The following TBC1D31 variants were observed in gnomAD, a reference collection of about 807,000 sequenced individuals.
TBC1D31 encodes TBC1 domain family member 31.
In TBC1D31, 99 loss-of-function variants were observed where a neutral mutation model predicts 132.9. The observed-to-expected ratio is 0.74, with a 90% CI of 0.63 to 0.88. The LOEUF is 0.88. TBC1D31 is among the 40% of genes least tolerant of loss of function. The pLI, the probability that TBC1D31 is intolerant of heterozygous loss-of-function variation, is 0.00. For synonymous variants in TBC1D31, 385 were observed against 419.4 expected, an observed-to-expected ratio of 0.92 and a Z score of 1.00; for missense variants, 1,134 against 1,256.6, an observed-to-expected ratio of 0.90 and a Z score of 1.48.
At chr8:123,158,018 CTTTTTT>C in the TBC1D31 span, among the ~76,000 whole-genome samples, 27 of 117,676 alleles carry the variant, frequency 2.3e-4, no homozygotes, top group South Asian at 2.4e-3. Context: ...TTTTTTCTTC[CTTTTTT>C]TTTTTTTTTT....
At position 123,130,242 on chromosome 8, in the gene TBC1D31, T is replaced by G; in HGVS notation, c.2315T>G (p.Leu772Ter). Reference sequence around the variant, plus strand: ...GAGCTGAAAGTAAAGGAAATGCACTTACAAGATGCTGCAAGAAGGCGTTTT... The same window carrying G: ...GAGCTGAAAGTAAAGGAAATGCACTGACAAGATGCTGCAAGAAGGCGTTTT... ...KRELKVKEMH[L>*]QDAARRRFLK... is the part of the protein sequence containing the mutation. The change falls in exon 16 of 22, where the codon TTA becomes TGA. Residue 772 changes from leucine (L) to a stop codon, truncating the protein, a stop_gained. Transcript: ENST00000287380. LOFTEE classifies it high-confidence loss of function. 6.2e-7 allele frequency: 1 copy of G among 1,613,230 alleles called. No individual in the cohort carries two copies. The highest frequency in any genetic ancestry group is 8.5e-7 in the Non-Finnish European group (1 of 1,179,578).
chr8:123,104,615 A>G (rs1817744849), intron 7 of TBC1D31, among the ~76,000 whole-genome samples: 2 of 152,198 alleles, frequency 1.3e-5, no homozygotes, highest in South Asian at 2.1e-4. Flanking sequence ...TTCAAAGAGA[A>G]TATTGTTTAT....
the TBC1D31 span, among the ~76,000 whole-genome samples, chr8:123,159,268 GA>G: frequency 5.9e-4 from 55 of 93,920 alleles, no homozygotes; most frequent in Admixed American, 7.5e-4. Flanking sequence ...ATTTGAACAG[GA>G]AAAAAAAAAA....
At chr8:123,090,918 T>G (rs1816252288) in intron 4 of TBC1D31, among the ~76,000 whole-genome samples, 1 of 151,974 alleles carries the variant, frequency 6.6e-6, no homozygotes, top group African/African-American at 2.4e-5. Flanking sequence ...CCAGCTTGGG[T>G]GACAGAGGGA....
the TBC1D31 span, among the ~76,000 whole-genome samples, chr8:123,162,963 G>C: frequency 1.6e-4 from 25 of 152,122 alleles, no homozygotes; most frequent in Admixed American, 1.5e-3. Flanking sequence ...CTCCTGAGTA[G>C]CTGGGATTAC....
chr8:123,149,056 A>C (rs1386648885), intron 20 of TBC1D31, among the ~76,000 whole-genome samples: 1 of 152,186 alleles, frequency 6.6e-6, no homozygotes, highest in African/African-American at 2.4e-5. Context: ...TAAAAAAAAA[A>C]AAGTGTTATT....
chr8:123,147,850 C>T (rs942986919), intron 20 of TBC1D31, among the ~76,000 whole-genome samples: 12 of 151,622 alleles, frequency 7.9e-5, no homozygotes, highest in East Asian at 1.9e-4. Context: ...TTTTTGAGCC[C>T]GGCGCGGTGG....
chr8:123,100,342 G>A (rs371744601), intron 6 of TBC1D31, among the ~76,000 whole-genome samples: 9 of 152,068 alleles, frequency 5.9e-5, no homozygotes, highest in Non-Finnish European at 7.4e-5. Flanking sequence ...TTCGGAGGCC[G>A]AGGCAGGCAG....
intron 18 of TBC1D31, among the ~76,000 whole-genome samples, chr8:123,141,230 T>C (rs1821631409): frequency 6.6e-6 from 1 of 152,218 alleles, no homozygotes; most frequent in Admixed American, 6.5e-5. Context: ...ATAGTGACTT[T>C]ACAAATTTTA....
At chr8:123,093,542 T>A in intron 4 of TBC1D31, 49 bp from the exon 5 acceptor site, 2 of 1,302,460 alleles carry the variant, frequency 1.5e-6, no homozygotes, top group Non-Finnish European at 2.1e-6. Context: ...AAATTTAAAG[T>A]CTCTATGTGA....
At chr8:123,073,317 A>G (rs774895959) in intron 1 of TBC1D31, 32 of 457,078 alleles carry the variant, frequency 7.0e-5, no homozygotes, top group Non-Finnish European at 1.2e-4. Context: ...TAGACGCACA[A>G]GCATTCATCA....
chr8:123,147,143 C>T, intron 20 of TBC1D31, among the ~76,000 whole-genome samples: 1 of 151,892 alleles, frequency 6.6e-6, no homozygotes, highest in East Asian at 1.9e-4. Context: ...ACTTCTCCCT[C>T]ACCCTCTCAC....
intron 6 of TBC1D31, among the ~76,000 whole-genome samples, chr8:123,099,467 T>C (rs1305926294): frequency 6.6e-6 from 1 of 152,102 alleles, no homozygotes; most frequent in African/African-American, 2.4e-5. Context: ...AAATTTAAAC[T>C]TTTCTCTCCC....
chr8:123,159,471 G>C, the TBC1D31 span, among the ~76,000 whole-genome samples: 2 of 152,124 alleles, frequency 1.3e-5, no homozygotes, highest in Non-Finnish European at 2.9e-5. Flanking sequence ...AGGGGTAGAT[G>C]TTTATATTTG....
Position 123,109,172 on chromosome 8 carries a change from G to A in TBC1D31, c.1210-145G>A, listed in dbSNP as rs1328576780. On this transcript the variant is annotated intron_variant, in intron 8 of 21. Coordinates refer to ENST00000287380, the MANE Select transcript of TBC1D31 (RefSeq NM_145647.4). The stretch of plus-strand genomic sequence containing the variant: ...ATGCTCAAGAGAGGGAGAGAGGGGA[G>A]TGGGGAAAAGACCTATGATACACAA... 4 of 607,414 alleles carry A rather than the reference G, an allele frequency of 6.6e-6. No homozygotes were observed. In the East Asian group the frequency reaches 1.1e-4, roughly 17 times the overall value. The allele number at this position is 607,414 out of a possible 1,614,324, so 37.6% of individuals were successfully genotyped here.
chr8:123,112,527 A>G (rs936869136), intron 10 of TBC1D31, among the ~76,000 whole-genome samples: 22 of 152,160 alleles, frequency 1.4e-4, no homozygotes, highest in Admixed American at 6.5e-4. Context: ...AAATTTAACA[A>G]CGTATTTTGG....
intron 21 of TBC1D31, among the ~76,000 whole-genome samples, chr8:123,151,424 A>G (rs897192836): frequency 5.9e-5 from 9 of 152,200 alleles, no homozygotes; most frequent in African/African-American, 1.7e-4. Context: ...TATTTATTGG[A>G]AAGGTAATCA....
the TBC1D31 span, among the ~76,000 whole-genome samples, chr8:123,161,442 T>C: frequency 2.6e-5 from 4 of 152,222 alleles, no homozygotes; most frequent in African/African-American, 9.6e-5. Flanking sequence ...AAGGGCTCAG[T>C]GCTTCAATTG....
At chr8:123,102,528 T>G in intron 7 of TBC1D31, 1 of 280,674 alleles carries the variant, frequency 3.6e-6, no homozygotes, top group South Asian at 3.4e-5. Context: ...GATTTATATG[T>G]TCCCAATTTC....
Sources: allele counts gnomAD v4.1 joint callset (sites outside exome capture counted in the v4.1 genomes callset), GRCh38; gene constraint gnomAD v4.1.1; transcripts MANE v1.5; gene names NCBI Gene and HGNC (gene_info 2026-07-23, HGNC 2026-07-21).